IL20: variants seen among roughly 807,000 people sequenced by gnomAD.
The protein encoded by IL20 is interleukin-20.
A neutral mutation model predicts 19.2 loss-of-function variants in IL20; 22 were observed. The observed-to-expected ratio is 1.15, with a 90% CI of 0.82 to 1.64. The LOEUF is 1.64. Among genes scored for constraint, IL20 ranks in the 40% most tolerant of loss-of-function variants. The pLI, the probability that IL20 is intolerant of heterozygous loss-of-function variation, is 0.00. For synonymous variants in IL20, 70 were observed against 76.2 expected (o/e 0.92, Z 0.43); for missense variants, 215 against 212.8 (o/e 1.01, Z -0.06).
intron 4 of IL20, 39 bp downstream of exon 4, chr1:206,866,675 C>T (rs756551969): frequency 2.7e-5 from 43 of 1,595,252 alleles, no homozygotes; most frequent in Non-Finnish European, 3.4e-5. Context: ...CATCTCAGCA[C>T]ACAGCTTCAA....
chr1:206,868,149 TACACACACACACAGGCACGTGCAC>T (rs1558632039), intron 5 of IL20, among the ~76,000 whole-genome samples: 1 of 151,206 alleles, frequency 6.6e-6, no homozygotes, highest in South Asian at 2.1e-4. Context: ...AGGCAACCCC[TACACACACACACAGGCACGTGCAC>T]ACACACACAC....
chr1:206,868,365 G>A (rs1677618846), intron 5 of IL20, 122 bp from the exon 6 acceptor site: 2 of 494,282 alleles, frequency 4.0e-6, no homozygotes, highest in African/African-American at 4.0e-5. Context: ...TTCTTTAAGT[G>A]CTTCATCTTG....
chr1:206,865,441 C>T (rs1286881977), upstream of IL20: 2 of 975,040 alleles, frequency 2.1e-6, no homozygotes, highest in Non-Finnish European at 2.5e-6. The surrounding 1 kb of genome is among the most constrained non-coding windows in gnomAD (Gnocchi z 4.1). Flanking sequence ...GCTACGTTGG[C>T]TTTCTGGAAG....
At chr1:206,868,086 A>G (rs898700590) in intron 5 of IL20, among the ~76,000 whole-genome samples, 2 of 152,190 alleles carry the variant, frequency 1.3e-5, no homozygotes, top group Non-Finnish European at 2.9e-5. Flanking sequence ...ATCCCTAACC[A>G]TCAGCTAGGT....
intron 5 of IL20, among the ~76,000 whole-genome samples, chr1:206,867,851 A>G (rs1677603788): frequency 6.6e-6 from 1 of 152,020 alleles, no homozygotes; most frequent in African/African-American, 2.4e-5. Flanking sequence ...GTCTGCCAGG[A>G]AGGCCTGGAT....
In IL20 at chr1:206,868,487, C is replaced by A. The variant is rs780736058; in HGVS notation, c.454C>A (p.Leu152Met). 1 of 1,589,256 alleles carries A rather than the reference C, an allele frequency of 6.3e-7. No homozygotes were observed. The highest frequency in any genetic ancestry group is 8.6e-7 in the Non-Finnish European group (1 of 1,167,268). Residue 152 changes from leucine (L) to methionine (M), a missense_variant and splice_region_variant, in exon 6 of 6, where the codon CTG (leucine) becomes ATG (methionine). Physicochemically the swap from Leu to Met is conservative, Grantham distance 15 (BLOSUM62 2). Coordinates refer to ENST00000367098, the MANE Select transcript of IL20 (RefSeq NM_018724.4). ...YSQILSHFEK[L>M]EPQAAVVKAL... The stretch of plus-strand genomic sequence containing the variant: ...CCACATGGGTGTGTGTCTCTTTCAG[C>A]TGGAACCTCAGGCAGCAGTTGTGAA...
intron 4 of IL20, among the ~76,000 whole-genome samples, chr1:206,867,149 C>T (rs1013313623): frequency 6.6e-6 from 1 of 151,654 alleles, no homozygotes; most frequent in African/African-American, 2.4e-5. Flanking sequence ...TTCAGTACTG[C>T]CTGCCTATTT....
intron 5 of IL20, among the ~76,000 whole-genome samples, chr1:206,868,153 C>G (rs1572591014): frequency 6.6e-6 from 1 of 151,834 alleles, no homozygotes; most frequent in African/African-American, 2.4e-5. Flanking sequence ...AACCCCTACA[C>G]ACACACACAG....
chr1:206,868,520 G>A lies in IL20; in HGVS notation c.487G>A (p.Gly163Arg), dbSNP rs759572272. ...TCAGGCAGCAGTTGTGAAGGCTTTG[G>A]GGGAACTAGACATTCTTCTGCAATG... Reference protein sequence around the residue: ...EPQAAVVKALGELDILLQWME... With the variant: ...EPQAAVVKALRELDILLQWME... The change falls in exon 6 of 6, where the codon GGG becomes AGG. Residue 163 changes from glycine (G) to arginine (R), a missense_variant. Coordinates refer to ENST00000367098, the MANE Select transcript of IL20 (RefSeq NM_018724.4). 9.4e-6 allele frequency: 15 copies of A among 1,599,820 alleles called. No individual in the cohort carries two copies. Among genetic ancestry groups the A allele is most frequent in the African/African-American group, 8.1e-5 (6 of 74,066 alleles).
chr1:206,867,301 G>A (rs1272906477), intron 4 of IL20, 83 bp from the exon 5 acceptor site: 2 of 1,157,964 alleles, frequency 1.7e-6, no homozygotes, highest in Admixed American at 1.7e-5. Context: ...GTGGGTGAAA[G>A]AGTAGAGTTT....
intron 4 of IL20, among the ~76,000 whole-genome samples, 165 bp downstream of exon 4, chr1:206,866,801 A>G (rs572480727): frequency 6.6e-6 from 1 of 152,302 alleles, no homozygotes; most frequent in South Asian, 2.1e-4. Flanking sequence ...ACTCAGTTTT[A>G]TTGACTTTTC....
rs1558631261 is a variant in IL20 at position 206,866,289 on chromosome 1, TTC to T, written c.160-8_160-7del. On this transcript the variant is annotated splice_polypyrimidine_tract_variant and splice_region_variant and intron_variant, in intron 2 of 5. Coordinates refer to ENST00000367098, the MANE Select transcript of IL20 (RefSeq NM_018724.4). ...ACTCATCCTTGCTTGTTTTGTCTTC[TTC>T]TGTTTAGCAAGCCAAAGATGGAAAC... 6.2e-7 allele frequency: 1 copy of T among 1,614,006 alleles called. No individual in the cohort carries two copies.
Position 206,867,445 on chromosome 1 carries a change from G to T in IL20, c.440G>T (p.Ser147Ile). 6.2e-7 allele frequency: 1 copy of T among 1,613,704 alleles called. No homozygotes were observed. Among genetic ancestry groups the T allele is most frequent in the Non-Finnish European group, 8.5e-7 (1 of 1,179,652 alleles). Residue 147 changes from serine to isoleucine, a missense_variant, in exon 5 of 6, where the codon AGT becomes ATT. Transcript: ENST00000367098. ...EAMKKYSQIL[S>I]HFEKLEPQAA... ...ATGAAGAAATACAGCCAGATTCTGA[G>T]TCACTTTGAAAAGGTATATGCGACT...
chr1:206,866,316 C>T lies in IL20; in HGVS notation c.177C>T (p.Asn59=). ...IRGSVQAKDG[N]IDIRILRRTE... ...CTGTTTAGCAAGCCAAAGATGGAAA[C>T]ATTGACATCAGAATCTTAAGGAGGA... Residue 59 remains asparagine, a synonymous_variant, in exon 3 of 6, where the codon AAC becomes AAT. Transcript: ENST00000367098. 1 of 1,614,100 alleles carries T rather than the reference C, an allele frequency of 6.2e-7. No individual in the cohort carries two copies. Among genetic ancestry groups the T allele is most frequent in the Non-Finnish European group, 8.5e-7 (1 of 1,179,988 alleles).
At position 206,866,465 on chromosome 1, in the gene IL20, T is replaced by C. The variant is rs1175195563; in HGVS notation, c.226-19T>C. 2.5e-6 allele frequency: 4 copies of C among 1,613,962 alleles called. No homozygotes were observed. The highest frequency in any genetic ancestry group is 2.2e-5 in the East Asian group (1 of 44,904). On this transcript the variant is annotated intron_variant, in intron 3 of 5. Coordinates refer to ENST00000367098, the MANE Select transcript of IL20 (RefSeq NM_018724.4). ...GCTCTCCCCTTTCCCCTCACCAATA[T>C]ACCTGTGGTTTTTTGCAGCCTGCGA...
chr1:206,865,394 C>A, upstream of IL20: 1 of 541,132 alleles, frequency 1.8e-6, no homozygotes, highest in Non-Finnish European at 2.4e-6. The surrounding 1 kb of genome is among the most constrained non-coding windows in gnomAD (Gnocchi z 4.1). Context: ...GATTTCTCCC[C>A]AGTTCCCCTG....
chr1:206,864,717 T>A (rs1485466333), upstream of IL20, among the ~76,000 whole-genome samples: 1 of 152,198 alleles, frequency 6.6e-6, no homozygotes, highest in Non-Finnish European at 1.5e-5. Flanking sequence ...TTTGCTTCAA[T>A]ATGGCTCAGC....
At chr1:206,866,683 C>T (rs780574455) in intron 4 of IL20, 47 bp downstream of exon 4, 1 of 1,571,478 alleles carries the variant, frequency 6.4e-7, no homozygotes, top group South Asian at 1.1e-5. Flanking sequence ...CACACAGCTT[C>T]AATGGCTTAG....
intron 4 of IL20, among the ~76,000 whole-genome samples, chr1:206,867,037 T>C (rs1240520022): frequency 2.0e-5 from 3 of 151,680 alleles, no homozygotes; most frequent in East Asian, 3.9e-4. Flanking sequence ...AATTCTTTTT[T>C]TTTTTTTTCT....
Sources: gnomAD v4.1 joint callset for allele counts (sites outside exome capture counted in the v4.1 genomes callset) on GRCh38, gnomAD v4.1.1 for gene constraint, Gnocchi (gnomAD v3.1) non-coding constraint, MANE v1.5 for transcripts, NCBI Gene and HGNC (gene_info 2026-07-23, HGNC 2026-07-21) for gene names.